The following HAUS6 variants were observed in gnomAD, a reference collection of about 807,000 sequenced individuals.
The protein encoded by HAUS6 is HAUS augmin like complex subunit 6.
In HAUS6, 80 loss-of-function variants were observed where a neutral mutation model predicts 106.8. That is an observed-to-expected ratio of 0.75 (90% confidence interval 0.63 to 0.90). The LOEUF is 0.90. Ranked by LOEUF, HAUS6 falls within the 40% of genes least tolerant of loss-of-function variation. The pLI is 0.00. For missense variants in HAUS6, 1,155 were observed against 1,118.1 expected, an observed-to-expected ratio of 1.03 and a Z score of -0.47; for synonymous variants, 356 against 379.1, an observed-to-expected ratio of 0.94 and a Z score of 0.71.
chr9:19,058,190 G>C lies in HAUS6; in HGVS notation c.2577C>G (p.Pro859=). Residue 859 remains proline (P), a synonymous_variant, in exon 16 of 17, where the codon CCC becomes CCG. Coordinates refer to ENST00000380502, the MANE Select transcript of HAUS6 (RefSeq NM_017645.5). The part of the protein sequence containing the change: ...EESYLSNSQT[P]ERHKPELSPT... ...GGCTCAATTCTGGTTTGTGTCTTTC[G>C]GGTGTTTGGGAATTCGAGAGGTAAG... 2.5e-6 allele frequency: 4 copies of C among 1,613,854 alleles called. No homozygotes were observed. In the South Asian group the frequency reaches 4.4e-5, roughly 18 times the overall value.
intron 9 of HAUS6, among the ~76,000 whole-genome samples, chr9:19,079,387 A>G (rs2131130403): frequency 6.6e-6 from 1 of 151,460 alleles, no homozygotes; most frequent in East Asian, 2.0e-4. Flanking sequence ...GCACGCCACC[A>G]CGCCTGGCTA....
At chr9:19,083,463 GT>G (rs1837210047) in intron 7 of HAUS6, among the ~76,000 whole-genome samples, 1 of 152,036 alleles carries the variant, frequency 6.6e-6, no homozygotes, top group African/African-American at 2.4e-5. Context: ...ATGCTGACAT[GT>G]AATTAATCGA....
chr9:19,095,705 T>C (rs764636545), intron 2 of HAUS6, among the ~76,000 whole-genome samples: 10 of 152,152 alleles, frequency 6.6e-5, no homozygotes, highest in Non-Finnish European at 1.2e-4. Context: ...TGCTTTTCTA[T>C]ATAAAAGATT....
In HAUS6 at chr9:19,086,764, G is replaced by T. The variant is rs765421374; in HGVS notation, c.669C>A (p.Asp223Glu). The T allele has an allele frequency of 8.4e-5, 102 of 1,217,034 alleles. 1 individual carries two copies. The South Asian group carries it at 1.1e-3, about 13-fold the overall frequency. 75.4% of individuals were successfully genotyped at this position (1,217,034 alleles called of 1,614,324 possible). A position where few individuals can be genotyped will look rare whatever the true frequency, so the allele number is the denominator to read the frequency against. ...NQIKKMEPYD[D>E]HSNMEEKIQK... ...GAATTTTTTCTTCCATATTACTGTGGTCATCATAGGGTTCCATTCTAATAA... is the reference window on the plus strand; with the variant it reads ...GAATTTTTTCTTCCATATTACTGTGTTCATCATAGGGTTCCATTCTAATAA... The change falls in exon 7 of 17, where the codon GAC becomes GAA. Residue 223 changes from aspartate to glutamate, a missense_variant. This residue lies in a region of HAUS6 where 761 missense variants were observed against 690.0 expected (regional missense o/e 1.10). Coordinates refer to ENST00000380502, the MANE Select transcript of HAUS6 (RefSeq NM_017645.5).
At chr9:19,069,536 A>G (rs1434047238) in intron 12 of HAUS6, among the ~76,000 whole-genome samples, 7 of 151,968 alleles carry the variant, frequency 4.6e-5, no homozygotes, top group Non-Finnish European at 1.0e-4. Context: ...TAAAAATACA[A>G]AAATTACCCA....
Position 19,082,947 on chromosome 9 carries a change from C to T in HAUS6, c.796G>A (p.Ala266Thr). 6.4e-7 allele frequency: 1 copy of T among 1,553,084 alleles called. No individual in the cohort carries two copies. Among genetic ancestry groups the T allele is most frequent in the Non-Finnish European group, 8.8e-7 (1 of 1,135,136 alleles). Residue 266 changes from alanine (A) to threonine (T), a missense_variant, in exon 8 of 17, where the codon GCT (alanine) becomes ACT (threonine). Transcript: ENST00000380502. ...SSVLSLVNQY[A>T]LDGTNVAINI... is the part of the protein sequence containing the mutation. ...ATAGCAACATTAGTTCCATCTAAAG[C>T]ATATTGGTTAACAAGACTAAGGACC... is the stretch of plus-strand genomic sequence containing the variant.
rs537665195 is a variant in HAUS6 at position 19,068,315 on chromosome 9, C to G, written c.1376+1904G>C. The stretch of plus-strand genomic sequence containing the variant: ...GGCACTCAAAAAATTAACATCAAAT[C>G]CAGATAGACTAAAATATGGTTCTTC... On this transcript the variant is annotated intron_variant, in intron 12 of 16. Transcript: ENST00000380502. Among the ~76,000 whole-genome samples, 81 of 151,868 alleles carry G rather than the reference C, an allele frequency of 5.3e-4. No individual in the cohort carries two copies. The Middle Eastern group carries it at 0.017, about 32-fold the overall frequency.
intron 6 of HAUS6, 30 bp downstream of exon 6, chr9:19,087,061 A>C (rs1837313777): frequency 9.5e-7 from 1 of 1,047,392 alleles, no homozygotes; most frequent in Non-Finnish European, 1.5e-6. Flanking sequence ...CTAGTATCTA[A>C]GGCAACTTCT....
chr9:19,065,419 GA>G (rs1244351576), intron 12 of HAUS6, among the ~76,000 whole-genome samples: 1 of 152,102 alleles, frequency 6.6e-6, no homozygotes, highest in Admixed American at 6.5e-5. Flanking sequence ...AAATAAAATT[GA>G]GAGAAAATTC....
At chr9:19,092,174 T>C (rs1172442673) in intron 4 of HAUS6, among the ~76,000 whole-genome samples, 1 of 151,966 alleles carries the variant, frequency 6.6e-6, no homozygotes, top group African/African-American at 2.4e-5. Flanking sequence ...GTATCAGTTG[T>C]CGCCGGGCAC....
intron 1 of HAUS6, 115 bp from the exon 2 acceptor site, chr9:19,096,884 T>C (rs1394308232): frequency 2.0e-6 from 1 of 494,902 alleles, no homozygotes; most frequent in Non-Finnish European, 3.6e-6. Flanking sequence ...CTTCAGGAAG[T>C]CAAGGCAAAT....
chr9:19,058,520 A>G lies in HAUS6; in HGVS notation c.2247T>C (p.Asn749=). Residue 749 remains asparagine, a synonymous_variant, in exon 16 of 17, where the codon AAT becomes AAC. Transcript: ENST00000380502. The part of the protein sequence containing the change: ...LEVSCNKPST[N]KTMLWNSFQI... ...GAAAAGAATTCCACAACATAGTTTT[A>G]TTTGTGGAAGGTTTGTTACAAGAAA... is the stretch of plus-strand genomic sequence containing the variant. 1 of 1,575,362 alleles carries G rather than the reference A, an allele frequency of 6.3e-7. No homozygotes were observed. Among genetic ancestry groups the G allele is most frequent in the Non-Finnish European group, 8.6e-7 (1 of 1,156,614 alleles).
intron 16 of HAUS6, chr9:19,057,440 C>T (rs1311174997): frequency 6.5e-6 from 1 of 152,864 alleles, no homozygotes; most frequent in Admixed American, 6.5e-5. Context: ...GCCCTGTCAA[C>T]ACCTTGATTT....
chr9:19,097,683 T>A (rs963167096), intron 1 of HAUS6, among the ~76,000 whole-genome samples: 1 of 152,106 alleles, frequency 6.6e-6, no homozygotes, highest in African/African-American at 2.4e-5. Flanking sequence ...ACTACTAGAT[T>A]TTTATTTCCA....
intron 1 of HAUS6, among the ~76,000 whole-genome samples, chr9:19,101,900 C>T (rs1817996368): frequency 6.6e-6 from 1 of 152,126 alleles, no homozygotes; most frequent in Non-Finnish European, 1.5e-5. Context: ...AGCCTGGCAA[C>T]AGAGGGAGAC....
intron 1 of HAUS6, among the ~76,000 whole-genome samples, chr9:19,099,408 C>T (rs886712257): frequency 2.0e-5 from 3 of 152,036 alleles, no homozygotes; most frequent in Non-Finnish European, 4.4e-5. Context: ...CCTCGTGATC[C>T]GCCCATCTCG....
chr9:19,068,583 T>C (rs1052218046), intron 12 of HAUS6, among the ~76,000 whole-genome samples: 2 of 152,208 alleles, frequency 1.3e-5, no homozygotes, highest in East Asian at 1.9e-4. Context: ...TAAGATGGCA[T>C]AGAATGATGA....
At chr9:19,070,328 TTTAA>T (rs1434996680) in intron 11 of HAUS6, 28 bp from the exon 12 acceptor site, 1 of 1,123,098 alleles carries the variant, frequency 8.9e-7, no homozygotes, top group Non-Finnish European at 1.4e-6. Context: ...TTGGTTACTC[TTTAA>T]TTATGTTTGT....
intron 4 of HAUS6, among the ~76,000 whole-genome samples, chr9:19,091,018 T>C (rs1414054279): frequency 2.0e-5 from 3 of 152,056 alleles, no homozygotes; most frequent in Non-Finnish European, 4.4e-5. Flanking sequence ...CCACCAGAAT[T>C]GGCCGGGCGC....
Sources: gnomAD v4.1 joint callset for allele counts (sites outside exome capture counted in the v4.1 genomes callset) on GRCh38, gnomAD v4.1.1 for gene constraint, gnomAD v4.1.1 regional missense constraint, MANE v1.5 for transcripts, NCBI Gene and HGNC (gene_info 2026-07-23, HGNC 2026-07-21) for gene names.